Variants in TSPAN19 observed in about 807,000 individuals in gnomAD.
TSPAN19 encodes the protein tetraspanin 19, also known as tetraspanin-19.
Under a neutral mutation model 35.1 loss-of-function variants are expected in TSPAN19, and 44 were observed. The observed-to-expected ratio is 1.25, with a 90% CI of 0.98 to 1.61. TSPAN19 has a LOEUF of 1.61. Among genes scored for constraint, TSPAN19 ranks in the 40% most tolerant of loss-of-function variants. The pLI is 0.00. For synonymous variants in TSPAN19, 79 were observed against 92.0 expected (o/e 0.86, Z 0.81); for missense variants, 290 against 280.0 (o/e 1.04, Z -0.26).
intron 5 of TSPAN19, among the ~76,000 whole-genome samples, chr12:85,021,827 T>A (rs1565766325): frequency 6.6e-6 from 1 of 152,156 alleles, no homozygotes; most frequent in African/African-American, 2.4e-5. Context: ...CATTTGGCCA[T>A]GAAATACTTT....
intron 5 of TSPAN19, among the ~76,000 whole-genome samples, chr12:85,021,536 G>C (rs575566543): frequency 6.6e-6 from 1 of 152,026 alleles, no homozygotes; most frequent in East Asian, 1.9e-4. Context: ...CATTATTTGG[G>C]AGATCCAGAA....
intron 1 of TSPAN19, among the ~76,000 whole-genome samples, chr12:85,033,829 A>G (rs1354507279): frequency 6.6e-6 from 1 of 152,128 alleles, no homozygotes; most frequent in African/African-American, 2.4e-5. Context: ...TACATGCCTC[A>G]AAGAGATGTT....
intron 4 of TSPAN19, among the ~76,000 whole-genome samples, chr12:85,026,539 C>G (rs972754936): frequency 1.3e-4 from 19 of 152,000 alleles, no homozygotes; most frequent in Admixed American, 1.0e-3. Flanking sequence ...AAATCAGGGT[C>G]CATACCTAAA....
chr12:85,035,277 A>C (rs1289965304), intron 1 of TSPAN19: 1 of 152,156 alleles, frequency 6.6e-6, no homozygotes, highest in Admixed American at 6.6e-5. Context: ...AATAAAAAAT[A>C]GATAATTTCA....
At chr12:85,035,991 C>T (rs1174350786) in intron 1 of TSPAN19, among the ~76,000 whole-genome samples, 2 of 151,838 alleles carry the variant, frequency 1.3e-5, no homozygotes, top group Non-Finnish European at 2.9e-5. Context: ...ACTTCTCTTC[C>T]ATACTTCTAT....
intron 5 of TSPAN19, among the ~76,000 whole-genome samples, chr12:85,022,257 G>A (rs1877169448): frequency 6.6e-6 from 1 of 151,868 alleles, no homozygotes; most frequent in African/African-American, 2.4e-5. Context: ...TTTAGATGTG[G>A]AGAAAAGTAA....
At chr12:85,020,985 A>G (rs1474443192) in intron 5 of TSPAN19, among the ~76,000 whole-genome samples, 2 of 152,070 alleles carry the variant, frequency 1.3e-5, no homozygotes, top group Non-Finnish European at 2.9e-5. Flanking sequence ...AAAAATGATC[A>G]GATTTGGATG....
intron 4 of TSPAN19, among the ~76,000 whole-genome samples, chr12:85,025,087 T>C (rs2135806644): frequency 6.6e-6 from 1 of 151,976 alleles, no homozygotes; most frequent in East Asian, 1.9e-4. Flanking sequence ...AATATCTCAC[T>C]TAATCTTATA....
chr12:85,025,260 C>G (rs899911358), intron 4 of TSPAN19, among the ~76,000 whole-genome samples: 1 of 151,498 alleles, frequency 6.6e-6, no homozygotes, highest in Admixed American at 6.6e-5. Context: ...CTCAGCCTCC[C>G]TAGTAGCTGG....
At chr12:85,014,636 CA>C in intron 8 of TSPAN19, 81 bp from the exon 9 acceptor site, 1 of 1,001,846 alleles carries the variant, frequency 1.0e-6, no homozygotes, top group Non-Finnish European at 1.5e-6. Flanking sequence ...ATATAGTCAC[CA>C]AAATGCGTAT....
At chr12:85,019,430 AAAG>A (rs1296602352) in intron 6 of TSPAN19, among the ~76,000 whole-genome samples, 193 bp downstream of exon 6, 1 of 151,994 alleles carries the variant, frequency 6.6e-6, no homozygotes, top group Non-Finnish European at 1.5e-5. Context: ...TTAACACAGA[AAAG>A]AAGATAGGAG....
intron 4 of TSPAN19, among the ~76,000 whole-genome samples, chr12:85,025,004 G>GA (rs1236386460): frequency 2.7e-5 from 4 of 150,092 alleles, no homozygotes; most frequent in East Asian, 1.9e-4. Context: ...TAGTTTCAGA[G>GA]AAAAAAAAAT....
chr12:85,024,207 T>C (rs905363779), intron 4 of TSPAN19, among the ~76,000 whole-genome samples: 1 of 152,162 alleles, frequency 6.6e-6, no homozygotes, highest in Non-Finnish European at 1.5e-5. Context: ...CTGGTAGAGA[T>C]GTCATTACTG....
Position 85,019,684 on chromosome 12 carries a change from G to A in TSPAN19, c.392C>T (p.Ser131Phe). 2 of 1,609,678 alleles carry A rather than the reference G, an allele frequency of 1.2e-6. No individual in the cohort carries two copies. The highest frequency in any genetic ancestry group is 1.7e-6 in the Non-Finnish European group (2 of 1,177,618). The change falls in exon 6 of 9, where the codon TCT (serine) becomes TTT (phenylalanine). Residue 131 changes from serine (S) to phenylalanine (F), a missense_variant. By Grantham distance (155) the Ser-to-Phe change is radical. Transcript: ENST00000532498. ...GGTTATATCTTCAGGCTTATCTTTA[G>A]ATCCATACTCAGAAATGACAAAATC... ...KIDFVISEYG[S>F]KDKPEDITKW...
At chr12:85,018,849 T>C (rs536861431) in intron 6 of TSPAN19, among the ~76,000 whole-genome samples, 36 of 152,024 alleles carry the variant, frequency 2.4e-4, no homozygotes, top group Admixed American at 1.9e-3. Context: ...TCCTATGTTA[T>C]AGGGTTGGGA....
At position 85,014,644 on chromosome 12, in the gene TSPAN19, G is replaced by A. The variant is rs562122288; in HGVS notation, c.679-89C>T. The A allele has an allele frequency of 2.9e-5, 27 of 919,928 alleles. 1 individual carries two copies. Among genetic ancestry groups the A allele is most frequent in the Non-Finnish European group, 3.5e-5 (21 of 594,974 alleles). 57.0% of individuals were successfully genotyped at this position (919,928 alleles called of 1,614,324 possible). ...TAACAATATATAGTCACCAAAATGCGTATTGTAAAGGGAAAAGGGATCAAA... is the reference window on the plus strand; with the variant it reads ...TAACAATATATAGTCACCAAAATGCATATTGTAAAGGGAAAAGGGATCAAA... On this transcript the variant is annotated intron_variant, in intron 8 of 8. Coordinates refer to ENST00000532498, the MANE Select transcript of TSPAN19 (RefSeq NM_001100917.2).
chr12:85,020,826 T>A (rs1049638689), intron 5 of TSPAN19, among the ~76,000 whole-genome samples: 1 of 152,066 alleles, frequency 6.6e-6, no homozygotes, highest in Non-Finnish European at 1.5e-5. Context: ...TGGATCTTTA[T>A]TTTTTGGTCT....
intron 1 of TSPAN19, among the ~76,000 whole-genome samples, 194 bp from the exon 2 acceptor site, chr12:85,030,167 G>A (rs1174393930): frequency 1.3e-5 from 2 of 152,008 alleles, no homozygotes; most frequent in Admixed American, 1.3e-4. Context: ...TTACTAGAGA[G>A]TATCTGTACT....
chr12:85,015,877 C>T lies in TSPAN19; in HGVS notation c.678+11G>A, dbSNP rs984344330. ...AATATTTTTCATTTTAACATATGAA[C>T]AAAAGCTTACCTCTGAAGTTAAAAG... On this transcript the variant is annotated intron_variant, in intron 8 of 8. Transcript: ENST00000532498. The T allele has an allele frequency of 1.2e-5, 19 of 1,533,482 alleles. No individual in the cohort carries two copies. The highest frequency in any genetic ancestry group is 1.6e-5 in the Non-Finnish European group (18 of 1,133,980). The allele number at this position is 1,533,482 out of a possible 1,614,324, so 95.0% of individuals were successfully genotyped here.
Sources: allele counts gnomAD v4.1 joint callset (sites outside exome capture counted in the v4.1 genomes callset), GRCh38; gene constraint gnomAD v4.1.1; transcripts MANE v1.5; gene names NCBI Gene and HGNC (gene_info 2026-07-23, HGNC 2026-07-21).